Variants in CYFIP2 observed in about 807,000 individuals in gnomAD.
CYFIP2 encodes cytoplasmic FMR1-interacting protein 2.
In CYFIP2, 29 loss-of-function variants were observed where a neutral mutation model predicts 158.7. The ratio of observed to expected loss-of-function variants is 0.18; its 90% confidence interval spans 0.14 to 0.25. The LOEUF (loss-of-function observed/expected upper bound fraction) is 0.25. Ranked by LOEUF, CYFIP2 falls within the 10% of genes least tolerant of loss-of-function variation. The pLI is 1.00. For missense variants in CYFIP2, 852 were observed against 1,639.5 expected (o/e 0.52, Z 8.29); for synonymous variants, 585 against 617.6 (o/e 0.95, Z 0.78).
intron 1 of CYFIP2, among the ~76,000 whole-genome samples, chr5:157,276,482 T>C (rs1756552504): frequency 6.6e-6 from 1 of 152,232 alleles, no homozygotes; most frequent in Non-Finnish European, 1.5e-5. Context: ...AAATCTCACT[T>C]GTTCATGATG....
chr5:157,291,839 A>T (rs1019814170), intron 3 of CYFIP2, among the ~76,000 whole-genome samples: 4 of 152,266 alleles, frequency 2.6e-5, no homozygotes, highest in Non-Finnish European at 5.9e-5. Flanking sequence ...ATTTAAAAAT[A>T]AAGTTCATTT....
intron 16 of CYFIP2, 33 bp downstream of exon 16, chr5:157,324,107 G>A (rs371570200): frequency 6.3e-7 from 1 of 1,579,994 alleles, no homozygotes; most frequent in Non-Finnish European, 8.6e-7. Context: ...TAAGGCATGG[G>A]AGGAGGGGAT....
At chr5:157,316,163 A>T (rs1760127102) in intron 13 of CYFIP2, among the ~76,000 whole-genome samples, 1 of 152,192 alleles carries the variant, frequency 6.6e-6, no homozygotes, top group Admixed American at 6.5e-5. Context: ...TGTTAAGTTA[A>T]AAAAGAAACA....
Position 157,342,823 on chromosome 5 carries a change from G to C in CYFIP2, c.2673+1666G>C, listed in dbSNP as rs1421684261. The C allele has an allele frequency of 2.6e-6, 4 of 1,568,126 alleles. No homozygotes were observed. The South Asian group carries it at 4.7e-5, about 19-fold the overall frequency. On this transcript the variant is annotated intron_variant, in intron 23 of 30. Transcript: ENST00000620254. ...GTACAAACGACCTACTGTGTGGAAA[G>C]CTTTAGGCTACATGATGCGGGCGCT...
At position 157,304,236 on chromosome 5, in the gene CYFIP2, A is replaced by T; in HGVS notation, c.667-2A>T. 1 of 1,612,178 alleles carries T rather than the reference A, an allele frequency of 6.2e-7. No individual in the cohort carries two copies. Among genetic ancestry groups the T allele is most frequent in the Non-Finnish European group, 8.5e-7 (1 of 1,179,598 alleles). Reference sequence around the variant, plus strand: ...TAACCTGAGGGTGGCGCTGCTGTTCAGTGTCTCCACCAGCAACTTGAAGTG... The same window carrying T: ...TAACCTGAGGGTGGCGCTGCTGTTCTGTGTCTCCACCAGCAACTTGAAGTG... On this transcript the variant is annotated splice_acceptor_variant, in intron 7 of 30. Coordinates refer to ENST00000620254, the MANE Select transcript of CYFIP2 (RefSeq NM_001037333.3). LOFTEE classifies it high-confidence loss of function.
Position 157,308,976 on chromosome 5 carries a change from C to T in CYFIP2, c.901-767C>T, listed in dbSNP as rs188903450. Among the ~76,000 whole-genome samples, 132 of 152,250 alleles carry T rather than the reference C, an allele frequency of 8.7e-4. 2 individuals are homozygous for T. The South Asian group carries it at 0.011, about 12-fold the overall frequency. ...TGAAAAATATGAATACCAAGGGTAT[C>T]GGCTCTGTAGCGTTCCCTGGAGGAT... On this transcript the variant is annotated intron_variant, in intron 9 of 30. Transcript: ENST00000620254.
chr5:157,268,340 G>T (rs1755786798), intron 1 of CYFIP2, among the ~76,000 whole-genome samples: 2 of 152,216 alleles, frequency 1.3e-5, no homozygotes, highest in Non-Finnish European at 2.9e-5. Flanking sequence ...AGTGGGGTTG[G>T]AGAGTTTTAC....
At chr5:157,288,623 G>T (rs1316218174) in intron 3 of CYFIP2, 2 of 456,116 alleles carry the variant, frequency 4.4e-6, no homozygotes, top group South Asian at 1.5e-5. Flanking sequence ...TATTTTAGAT[G>T]CATTGTCTCA....
chr5:157,313,926 G>T (rs1759934284), intron 11 of CYFIP2, among the ~76,000 whole-genome samples: 1 of 152,106 alleles, frequency 6.6e-6, no homozygotes, highest in African/African-American at 2.4e-5. Context: ...GAGTAAGATT[G>T]CTTTGTAAAA....
intron 26 of CYFIP2, among the ~76,000 whole-genome samples, chr5:157,366,155 G>A (rs902610331): frequency 2.6e-5 from 4 of 152,028 alleles, no homozygotes; most frequent in Non-Finnish European, 5.9e-5. Context: ...CATTCTGGGG[G>A]GGCTGTCATG....
chr5:157,296,973 T>G (rs1220217991), intron 5 of CYFIP2, among the ~76,000 whole-genome samples, 199 bp downstream of exon 5: 2 of 152,152 alleles, frequency 1.3e-5, no homozygotes, highest in Non-Finnish European at 2.9e-5. Flanking sequence ...AGTATGTGAG[T>G]GTGTTTTGTG....
intron 19 of CYFIP2, 132 bp downstream of exon 19, chr5:157,328,181 G>T: frequency 2.4e-6 from 2 of 827,140 alleles, no homozygotes; most frequent in Non-Finnish European, 3.8e-6. Context: ...ACCCGGACTG[G>T]GTGCTGAGAT....
chr5:157,288,703 G>A (rs2113852838), intron 3 of CYFIP2: 1 of 443,258 alleles, frequency 2.3e-6, no homozygotes, highest in East Asian at 7.2e-5. Flanking sequence ...GGGAAAACTG[G>A]AGCCCAAAAA....
intron 9 of CYFIP2, 115 bp downstream of exon 9, chr5:157,307,980 T>A: frequency 1.6e-6 from 1 of 636,346 alleles, no homozygotes; most frequent in Non-Finnish European, 2.8e-6. Context: ...AATTGAGCTG[T>A]AGCTCCAAAG....
intron 15 of CYFIP2, 143 bp from the exon 16 acceptor site, chr5:157,323,778 A>G: frequency 1.9e-6 from 2 of 1,072,856 alleles, no homozygotes; most frequent in Non-Finnish European, 2.5e-6. Flanking sequence ...CTCAAACCTT[A>G]AACTGGTGCT....
At chr5:157,386,493 G>A (rs745590606) in intron 28 of CYFIP2, among the ~76,000 whole-genome samples, 14 of 152,128 alleles carry the variant, frequency 9.2e-5, no homozygotes, top group Non-Finnish European at 2.1e-4. Flanking sequence ...AGATGCACAC[G>A]GATCAACTTT....
In CYFIP2 at chr5:157,366,558, A is replaced by ATCTT. The variant is rs143120055; in HGVS notation, c.3039+4962_3039+4965dup. Among the ~76,000 whole-genome samples, 326 of 152,278 alleles carry ATCTT rather than the reference A, an allele frequency of 2.1e-3. 1 individual carries two copies. The highest frequency in any genetic ancestry group is 7.2e-3 in the African/African-American group (299 of 41,552). ...TGTTTGTGTTTAATGGGAAGTATAA[A>ATCTT]TCTTTTATTTCCAGATTGTTCTGGC... On this transcript the variant is annotated intron_variant, in intron 26 of 30. Coordinates refer to ENST00000620254, the MANE Select transcript of CYFIP2 (RefSeq NM_001037333.3).
At chr5:157,344,738 C>T (rs766710255) in intron 23 of CYFIP2, among the ~76,000 whole-genome samples, 2 of 152,158 alleles carry the variant, frequency 1.3e-5, no homozygotes, top group African/African-American at 2.4e-5. Context: ...CATGAAACCC[C>T]GTAGGTTTCA....
chr5:157,274,459 C>T (rs1756381113), intron 1 of CYFIP2, among the ~76,000 whole-genome samples: 2 of 152,274 alleles, frequency 1.3e-5, no homozygotes, highest in South Asian at 4.1e-4. Context: ...TGTGGCTATA[C>T]AATTTTTTAT....
Sources: allele counts gnomAD v4.1 joint callset (sites outside exome capture counted in the v4.1 genomes callset), GRCh38; gene constraint gnomAD v4.1.1; transcripts MANE v1.5; gene names NCBI Gene and HGNC (gene_info 2026-07-23, HGNC 2026-07-21).